The following GREB1L variants were observed in gnomAD, a reference collection of about 807,000 sequenced individuals.
GREB1L encodes the protein GREB1-like protein.
Under a neutral mutation model 200.8 loss-of-function variants are expected in GREB1L, and 17 were observed. That is an observed-to-expected ratio of 0.08 (90% CI 0.06 to 0.13). GREB1L has a LOEUF of 0.13. Among genes scored for constraint, GREB1L ranks in the 10% least tolerant of loss-of-function variants. GREB1L has a pLI of 1.00. For synonymous variants in GREB1L, 789 were observed against 893.0 expected (o/e 0.88, Z 2.08); for missense variants, 1,657 against 2,367.7 (o/e 0.70, Z 6.23).
At chr18:21,255,817 T>C (rs1299111847) in intron 1 of GREB1L, among the ~76,000 whole-genome samples, 1 of 152,240 alleles carries the variant, frequency 6.6e-6, no homozygotes, top group African/African-American at 2.4e-5. Context: ...GGAGGTACTA[T>C]GGCATATTAT....
intron 2 of GREB1L, among the ~76,000 whole-genome samples, chr18:21,371,896 C>G (rs1030880527): frequency 2.6e-5 from 4 of 151,458 alleles, no homozygotes; most frequent in African/African-American, 9.7e-5. Flanking sequence ...CATGTGTTTT[C>G]ACAAAAATCT....
At chr18:21,516,197 A>C (rs2037411685) in intron 29 of GREB1L, among the ~76,000 whole-genome samples, 1 of 152,186 alleles carries the variant, frequency 6.6e-6, no homozygotes, top group South Asian at 2.1e-4. Context: ...GAAGGCAGGA[A>C]CCATAAAGTC....
At chr18:21,480,635 T>C (rs2035879707) in intron 17 of GREB1L, among the ~76,000 whole-genome samples, 1 of 151,974 alleles carries the variant, frequency 6.6e-6, no homozygotes, top group Non-Finnish European at 1.5e-5. Flanking sequence ...CCAGGAGGAG[T>C]AATTGGAAAA....
chr18:21,517,917 C>T, intron 30 of GREB1L, 117 bp from the exon 31 acceptor site: 1 of 742,088 alleles, frequency 1.3e-6, no homozygotes, highest in Non-Finnish European at 2.2e-6. Flanking sequence ...GAACCTAGCA[C>T]CCCTCACTGT....
chr18:21,488,235 G>T (rs2036201159), intron 18 of GREB1L, among the ~76,000 whole-genome samples: 1 of 152,204 alleles, frequency 6.6e-6, no homozygotes. Context: ...AGCGAAGGTT[G>T]CAGTGAGCCA....
At chr18:21,262,943 A>G (rs910744377) in intron 1 of GREB1L, among the ~76,000 whole-genome samples, 17 of 152,334 alleles carry the variant, frequency 1.1e-4, no homozygotes, top group Non-Finnish European at 2.1e-4. Flanking sequence ...TGCTTTATAG[A>G]TCTTCCTCAT....
At chr18:21,346,262 C>A (rs1373338172) in intron 1 of GREB1L, among the ~76,000 whole-genome samples, 1 of 152,088 alleles carries the variant, frequency 6.6e-6, no homozygotes, top group African/African-American at 2.4e-5. Context: ...CCCACACAGG[C>A]TATCATGACC....
chr18:21,277,796 C>T (rs910669136), intron 1 of GREB1L, among the ~76,000 whole-genome samples: 1 of 152,188 alleles, frequency 6.6e-6, no homozygotes, highest in Non-Finnish European at 1.5e-5. Flanking sequence ...TGCTCTGTGA[C>T]TTGTCTGTCT....
At chr18:21,244,506 CAGTT>C (rs1435157313) in intron 1 of GREB1L, among the ~76,000 whole-genome samples, 5 of 152,278 alleles carry the variant, frequency 3.3e-5, no homozygotes, top group African/African-American at 9.6e-5. Context: ...GTTTCCCACT[CAGTT>C]AGATAAAGGA....
At chr18:21,389,325 T>A (rs1276290669) in intron 4 of GREB1L, among the ~76,000 whole-genome samples, 2 of 139,914 alleles carry the variant, frequency 1.4e-5, no homozygotes, top group African/African-American at 2.9e-5. Context: ...CCCATCATTA[T>A]GGGGTGGGTT....
At position 21,318,868 on chromosome 18, in the gene GREB1L, G is replaced by A. The variant is rs1423719277; in HGVS notation, c.-119-47159G>A. ...GGAGGACTCAGAGGATCACAGGGTCGCTAACCAGTCATCCTGAAACACTGG... is the reference window on the plus strand; with the variant it reads ...GGAGGACTCAGAGGATCACAGGGTCACTAACCAGTCATCCTGAAACACTGG... On this transcript the variant is annotated intron_variant, in intron 1 of 32. Transcript: ENST00000424526. Among the ~76,000 whole-genome samples the A allele has an allele frequency of 4.6e-5, 7 of 152,286 alleles. No homozygotes were observed. In the South Asian group the frequency reaches 8.3e-4, roughly 18 times the overall value.
At chr18:21,412,621 C>G (rs900053751) in intron 7 of GREB1L, among the ~76,000 whole-genome samples, 2 of 152,118 alleles carry the variant, frequency 1.3e-5, no homozygotes, top group Non-Finnish European at 2.9e-5. Flanking sequence ...GCATACAAAA[C>G]ACAGTGATCA....
At chr18:21,475,659 A>G (rs1397239334) in intron 16 of GREB1L, among the ~76,000 whole-genome samples, 1 of 151,502 alleles carries the variant, frequency 6.6e-6, no homozygotes, top group African/African-American at 2.4e-5. Context: ...CCTGGCCTGG[A>G]TGAACTTATT....
intron 32 of GREB1L, among the ~76,000 whole-genome samples, 163 bp downstream of exon 32, chr18:21,520,986 G>A (rs1229966895): frequency 5.9e-5 from 9 of 152,046 alleles, no homozygotes; most frequent in Admixed American, 5.9e-4. Flanking sequence ...CACGAGGTCA[G>A]GAGATCGAGA....
In GREB1L at chr18:21,244,146, G is replaced by C. The variant is rs140732336; in HGVS notation, c.-120+1753G>C. On this transcript the variant is annotated intron_variant, in intron 1 of 32. Coordinates refer to ENST00000424526, the MANE Select transcript of GREB1L (RefSeq NM_001142966.3). ...ATCAGTTAGAGGGCTAAAAATCTTA[G>C]AACAGTATGCAGTGGAAAGCAAAAC... Among the ~76,000 whole-genome samples, 106 of 152,266 alleles carry C rather than the reference G, an allele frequency of 7.0e-4. No individual in the cohort carries two copies. The Middle Eastern group carries it at 0.01, about 15-fold the overall frequency.
chr18:21,421,104 T>C (rs1268510100), intron 7 of GREB1L, among the ~76,000 whole-genome samples: 1 of 152,162 alleles, frequency 6.6e-6, no homozygotes, highest in Non-Finnish European at 1.5e-5. Context: ...CAGCAGTTTC[T>C]TGGGGATGGG....
At chr18:21,505,706 C>A in intron 24 of GREB1L, 104 bp from the exon 25 acceptor site, 1 of 1,408,444 alleles carries the variant, frequency 7.1e-7, no homozygotes, top group Non-Finnish European at 9.6e-7. Flanking sequence ...GCATAAATTA[C>A]AGAATACATG....
At chr18:21,463,367 G>A (rs2035137364) in intron 15 of GREB1L, among the ~76,000 whole-genome samples, 2 of 151,456 alleles carry the variant, frequency 1.3e-5, no homozygotes, top group African/African-American at 2.4e-5. Flanking sequence ...GGATGGTCTC[G>A]ATCTCCTGAC....
chr18:21,243,324 C>G (rs1181208677), intron 1 of GREB1L, among the ~76,000 whole-genome samples: 2 of 152,206 alleles, frequency 1.3e-5, no homozygotes, highest in Non-Finnish European at 2.9e-5. Context: ...GCCGCTGCCT[C>G]TAACCGAGGC....
Sources: gnomAD v4.1 joint callset for allele counts (sites outside exome capture counted in the v4.1 genomes callset) on GRCh38, gnomAD v4.1.1 for gene constraint, MANE v1.5 for transcripts, NCBI Gene and HGNC (gene_info 2026-07-23, HGNC 2026-07-21) for gene names.